The following DSC3 variants were observed in gnomAD, a reference collection of about 807,000 sequenced individuals.
The protein encoded by DSC3 is desmocollin 3, also known as desmocollin-3.
In DSC3, 97 loss-of-function variants were observed where a neutral mutation model predicts 89.5. The observed-to-expected ratio is 1.08, with a 90% CI of 0.92 to 1.28. The LOEUF is 1.28. DSC3 is among the 50% of genes most tolerant of loss of function. The pLI is 0.00. For missense variants in DSC3, 1,199 were observed against 1,085.3 expected (o/e 1.10, Z -1.47); for synonymous variants, 436 against 384.1 (o/e 1.14, Z -1.58).
In DSC3 at chr18:31,032,589, T is replaced by C. The variant is rs1050989528; in HGVS notation, c.70-313A>G. On this transcript the variant is annotated intron_variant, in intron 1 of 15. Coordinates refer to ENST00000360428, the MANE Select transcript of DSC3 (RefSeq NM_001941.5). ...GTGTGTGTGTGTGTGTGTGTGTGTG[T>C]GCGTGTGCGTGTGCGTGTGCGTGTG... Among the ~76,000 whole-genome samples the C allele has an allele frequency of 1.6e-3, 183 of 112,672 alleles. 1 individual carries two copies. The highest frequency in any genetic ancestry group is 2.2e-3 in the African/African-American group (58 of 26,384). The allele number at this position is 112,672 out of a possible 152,430, so 73.9% of individuals were successfully genotyped here.
intron 9 of DSC3, among the ~76,000 whole-genome samples, chr18:31,016,268 C>A (rs752406452): frequency 6.6e-6 from 1 of 152,160 alleles, no homozygotes; most frequent in Non-Finnish European, 1.5e-5. Flanking sequence ...GTCTGTGAAG[C>A]CACCATTTTC....
intron 1 of DSC3, among the ~76,000 whole-genome samples, 196 bp downstream of exon 1, chr18:31,042,396 C>T (rs533389482): frequency 6.6e-6 from 1 of 152,340 alleles, no homozygotes; most frequent in Middle Eastern, 3.4e-3. Flanking sequence ...AAAGCTCAGT[C>T]CAGAGTCGAC....
intron 1 of DSC3, among the ~76,000 whole-genome samples, chr18:31,037,907 A>G (rs1168425311): frequency 6.6e-6 from 1 of 152,154 alleles, no homozygotes; most frequent in South Asian, 2.1e-4. Flanking sequence ...CAAAAAAAAA[A>G]AAAGTTCATT....
chr18:31,020,316 A>T (rs193286970), intron 7 of DSC3, among the ~76,000 whole-genome samples: 1 of 152,272 alleles, frequency 6.6e-6, no homozygotes, highest in Non-Finnish European at 1.5e-5. Context: ...GCATGGAGGG[A>T]ATAAGAAGAC....
At chr18:31,029,484 C>G (rs901751010) in intron 4 of DSC3, 25 bp downstream of exon 4, 5 of 1,613,258 alleles carry the variant, frequency 3.1e-6, no homozygotes, top group Non-Finnish European at 4.2e-6. Context: ...TAAAGCAACC[C>G]TGACCAGAAA....
rs1312295940 is a variant in DSC3, at chr18:30,992,131, A to C, written c.*2044T>G. ...AGTGAGCAGAGATCGGAGCCACTGC[A>C]CTCCAGCCTGTGCGTCAGAGCGAGA... On this transcript the variant is annotated 3_prime_UTR_variant, in exon 16 of 16. Transcript: ENST00000360428. The C allele has an allele frequency of 2.5e-5, 3 of 121,964 alleles. No individual in the cohort carries two copies. The highest frequency in any genetic ancestry group is 3.2e-5 in the Non-Finnish European group (2 of 61,898). 7.6% of individuals were successfully genotyped at this position (121,964 alleles called of 1,614,324 possible).
At position 30,994,000 on chromosome 18, in the gene DSC3, C is replaced by T; in HGVS notation, c.*175G>A. ...ACCAGTTGTCTGTTTTAACATTTTT[C>T]ACTTTTTGGAAAAGATAAGCAACAA... On this transcript the variant is annotated 3_prime_UTR_variant, in exon 16 of 16. Transcript: ENST00000360428. 1.6e-6 allele frequency: 1 copy of T among 620,496 alleles called. No individual in the cohort carries two copies. Among genetic ancestry groups the T allele is most frequent in the Non-Finnish European group, 2.8e-6 (1 of 361,302 alleles). The allele number at this position is 620,496 out of a possible 1,614,324, so 38.4% of individuals were successfully genotyped here.
rs754601919 is a variant in DSC3 at position 31,001,705 on chromosome 18, A to C, written c.2148T>G (p.Gly716=). ...VLLTLVCGVF[G]ATKGKRFPED... ...CAGGAAAACGTTTCCCTTTAGTTGC[A>C]CCAAAAACTCCACATACTAAAGTTA... is the stretch of plus-strand genomic sequence containing the variant. The change falls in exon 14 of 16, where the codon GGT becomes GGG. Residue 716 remains glycine, a synonymous_variant. Coordinates refer to ENST00000360428, the MANE Select transcript of DSC3 (RefSeq NM_001941.5). 3 of 1,609,060 alleles carry C rather than the reference A, an allele frequency of 1.9e-6. No individual in the cohort carries two copies. Among genetic ancestry groups the C allele is most frequent in the Non-Finnish European group, 2.5e-6 (3 of 1,177,750 alleles).
At chr18:31,027,633 G>A (rs1054323138) in intron 4 of DSC3, among the ~76,000 whole-genome samples, 5 of 152,210 alleles carry the variant, frequency 3.3e-5, no homozygotes, top group African/African-American at 1.2e-4. Flanking sequence ...GTTTCATGAG[G>A]AGGAACATGG....
chr18:31,007,280 A>G, intron 11 of DSC3, 149 bp from the exon 12 acceptor site: 1 of 622,284 alleles, frequency 1.6e-6, no homozygotes, highest in Non-Finnish European at 2.8e-6. Context: ...ACATAGACAG[A>G]TAAATAGAAT....
intron 9 of DSC3, among the ~76,000 whole-genome samples, chr18:31,014,888 T>C (rs952117597): frequency 6.6e-6 from 1 of 152,056 alleles, no homozygotes; most frequent in Non-Finnish European, 1.5e-5. Flanking sequence ...TTTGAGGAAG[T>C]TATTTACCTT....
chr18:31,017,913 A>C (rs573312796), intron 9 of DSC3, among the ~76,000 whole-genome samples, 158 bp downstream of exon 9: 51 of 152,338 alleles, frequency 3.3e-4, no homozygotes, highest in Non-Finnish European at 6.2e-4. Context: ...ATAAAATTAC[A>C]GAAGACACAC....
At chr18:31,030,866 A>G in intron 3 of DSC3, 107 bp downstream of exon 3, 4 of 1,052,550 alleles carry the variant, frequency 3.8e-6, no homozygotes, top group Non-Finnish European at 5.7e-6. Flanking sequence ...AAACAAAATG[A>G]AAACAAAAGG....
At chr18:31,035,990 A>G (rs1349824682) in intron 1 of DSC3, among the ~76,000 whole-genome samples, 2 of 152,134 alleles carry the variant, frequency 1.3e-5, no homozygotes, top group African/African-American at 4.8e-5. Context: ...ATTTTTCCAT[A>G]AATGTACCAC....
chr18:31,039,642 G>T (rs1265672831), intron 1 of DSC3, among the ~76,000 whole-genome samples: 2 of 152,070 alleles, frequency 1.3e-5, no homozygotes, highest in Admixed American at 6.6e-5. Context: ...GGGAATTCCA[G>T]CTATCATACT....
chr18:31,028,517 A>T (rs938632783), intron 4 of DSC3, among the ~76,000 whole-genome samples: 1 of 152,072 alleles, frequency 6.6e-6, no homozygotes, highest in Non-Finnish European at 1.5e-5. Context: ...ATAAACAAAT[A>T]AAGTTATAAT....
In DSC3 at chr18:31,006,913, C is replaced by T. The variant is rs1307720073; in HGVS notation, c.1882G>A (p.Val628Ile). The part of the protein sequence containing the change: ...EISRLWSLTK[V>I]NDTAARLSYQ... Reference sequence around the variant, plus strand: ...ATTATTTTTTATTAAATACCATTAACTTTGGTGAGGCTCCACAGTCTACTG... The same window carrying T: ...ATTATTTTTTATTAAATACCATTAATTTTGGTGAGGCTCCACAGTCTACTG... Residue 628 changes from valine (V) to isoleucine (I), a missense_variant, in exon 12 of 16, where the codon GTT (valine) becomes ATT (isoleucine). Val to Ile is a conservative substitution (Grantham distance 29). Coordinates refer to ENST00000360428, the MANE Select transcript of DSC3 (RefSeq NM_001941.5). 5.0e-6 allele frequency: 8 copies of T among 1,608,812 alleles called. No individual in the cohort carries two copies. Among genetic ancestry groups the T allele is most frequent in the African/African-American group, 1.3e-5 (1 of 74,728 alleles).
At chr18:31,030,806 T>G in intron 3 of DSC3, among the ~76,000 whole-genome samples, 167 bp downstream of exon 3, 2 of 145,296 alleles carry the variant, frequency 1.4e-5, no homozygotes, top group African/African-American at 2.6e-5. Context: ...GGTAAGAAAA[T>G]GGAGGGGAAG....
chr18:31,009,918 A>G (rs1354821169), intron 9 of DSC3, among the ~76,000 whole-genome samples: 1 of 152,246 alleles, frequency 6.6e-6, no homozygotes, highest in African/African-American at 2.4e-5. Context: ...TGATCTCTAA[A>G]AAATTTCCAA....
Sources: gnomAD v4.1 joint callset for allele counts (sites outside exome capture counted in the v4.1 genomes callset) on GRCh38, gnomAD v4.1.1 for gene constraint, MANE v1.5 for transcripts, NCBI Gene and HGNC (gene_info 2026-07-23, HGNC 2026-07-21) for gene names.